Variants in FA2H observed in about 807,000 individuals in gnomAD.
The protein encoded by FA2H is fatty acid 2-hydroxylase, also known as fatty acid alpha-hydroxylase.
FA2H carries 22 observed loss-of-function variants against 44.9 expected under a neutral mutation model. The ratio of observed to expected loss-of-function variants is 0.49; its 90% CI spans 0.35 to 0.70. The LOEUF is 0.70. Among genes scored for constraint, FA2H ranks in the 30% least tolerant of loss-of-function variants. FA2H has a pLI of 0.01. For missense variants in FA2H, 501 were observed against 504.9 expected (o/e 0.99, Z 0.07); for synonymous variants, 243 against 213.2 (o/e 1.14, Z -1.22).
intron 4 of FA2H, among the ~76,000 whole-genome samples, chr16:74,722,400 G>C (rs2144610884): frequency 6.6e-6 from 1 of 152,252 alleles, no homozygotes; most frequent in South Asian, 2.1e-4. Flanking sequence ...GCTGGGCATG[G>C]TGGCTCATGC....
intron 4 of FA2H, among the ~76,000 whole-genome samples, chr16:74,721,500 C>T (rs1191136388): frequency 3.3e-5 from 5 of 152,216 alleles, no homozygotes; most frequent in African/African-American, 1.2e-4. Flanking sequence ...ACTCCATCTC[C>T]CTCACCTGCA....
chr16:74,754,439 G>A (rs1962579513), intron 1 of FA2H, among the ~76,000 whole-genome samples: 1 of 152,112 alleles, frequency 6.6e-6, no homozygotes, highest in Non-Finnish European at 1.5e-5. Context: ...AATTTACTGG[G>A]AGGAATAGTG....
At chr16:74,719,217 C>G in intron 4 of FA2H, 57 bp from the exon 5 acceptor site, 1 of 1,515,884 alleles carries the variant, frequency 6.6e-7, no homozygotes, top group Non-Finnish European at 9.1e-7. Flanking sequence ...CTGGTAGCTC[C>G]AGGTGTCCCT....
chr16:74,758,159 C>T (rs1293395917), intron 1 of FA2H, among the ~76,000 whole-genome samples: 4 of 141,590 alleles, frequency 2.8e-5, no homozygotes, highest in African/African-American at 7.8e-5. Flanking sequence ...CTCGGACTGT[C>T]GCCCGGGCTG....
intron 1 of FA2H, among the ~76,000 whole-genome samples, chr16:74,748,285 T>C (rs1962463806): frequency 6.6e-6 from 1 of 152,202 alleles, no homozygotes; most frequent in African/African-American, 2.4e-5. Flanking sequence ...CCTTGTTCTA[T>C]TCTGCACTTC....
At chr16:74,757,111 A>G (rs1043375621) in intron 1 of FA2H, among the ~76,000 whole-genome samples, 2 of 152,194 alleles carry the variant, frequency 1.3e-5, no homozygotes, top group Non-Finnish European at 2.9e-5. Context: ...AGATGCCAAA[A>G]AACAGGCTAA....
intron 2 of FA2H, among the ~76,000 whole-genome samples, chr16:74,729,171 C>A (rs12597324): frequency 6.6e-6 from 1 of 152,004 alleles, no homozygotes; most frequent in Non-Finnish European, 1.5e-5. Context: ...CCACCTCGCC[C>A]GCTAATTTTT....
At chr16:74,715,569 G>C (rs1342839380) in intron 6 of FA2H, among the ~76,000 whole-genome samples, 1 of 152,176 alleles carries the variant, frequency 6.6e-6, no homozygotes, top group Non-Finnish European at 1.5e-5. Flanking sequence ...TGGGATTATA[G>C]GCCTGAGCCA....
intron 1 of FA2H, among the ~76,000 whole-genome samples, chr16:74,764,582 T>C (rs1302770563): frequency 6.6e-6 from 1 of 151,914 alleles, no homozygotes; most frequent in African/African-American, 2.4e-5. Flanking sequence ...GGGTGCAGGA[T>C]AGGAGGAGGG....
intron 4 of FA2H, among the ~76,000 whole-genome samples, chr16:74,724,432 A>T (rs1438972666): frequency 6.6e-6 from 1 of 152,086 alleles, no homozygotes; most frequent in East Asian, 1.9e-4. Context: ...AAGCATTTTC[A>T]TGTGCGCATC....
At chr16:74,758,117 CTTTTT>C (rs71378706) in intron 1 of FA2H, among the ~76,000 whole-genome samples, 4 of 113,558 alleles carry the variant, frequency 3.5e-5, no homozygotes, top group Non-Finnish European at 5.2e-5. Context: ...GGAAACAATT[CTTTTT>C]TTTTTTTTTT....
At chr16:74,733,019 A>G (rs1400698851) in intron 2 of FA2H, among the ~76,000 whole-genome samples, 1 of 152,196 alleles carries the variant, frequency 6.6e-6, no homozygotes, top group Admixed American at 6.5e-5. Context: ...ACCTGTACAC[A>G]TGGTGGACTT....
At chr16:74,760,177 G>A (rs1337676416) in intron 1 of FA2H, among the ~76,000 whole-genome samples, 1 of 152,150 alleles carries the variant, frequency 6.6e-6, no homozygotes, top group African/African-American at 2.4e-5. Flanking sequence ...CCACTACGCT[G>A]CCGCTGCAGC....
chr16:74,725,428 C>T (rs1961930851), intron 4 of FA2H, among the ~76,000 whole-genome samples: 1 of 152,226 alleles, frequency 6.6e-6, no homozygotes, highest in Admixed American at 6.5e-5. Flanking sequence ...AGCGGCTATA[C>T]TTAAACCCAC....
At chr16:74,770,867 G>C (rs893282830) in intron 1 of FA2H, among the ~76,000 whole-genome samples, 4 of 152,226 alleles carry the variant, frequency 2.6e-5, no homozygotes, top group Admixed American at 1.3e-4. Flanking sequence ...TCTGCAGCAT[G>C]GCCCGCCCTC....
chr16:74,764,014 A>G (rs1046047028), intron 1 of FA2H, among the ~76,000 whole-genome samples: 4 of 152,248 alleles, frequency 2.6e-5, no homozygotes, highest in Non-Finnish European at 5.9e-5. Context: ...GCAGTGTTTC[A>G]CAATATAAAG....
intron 1 of FA2H, among the ~76,000 whole-genome samples, chr16:74,750,741 C>G (rs550631589): frequency 1.7e-5 from 2 of 121,020 alleles, no homozygotes; most frequent in Admixed American, 7.9e-5. Flanking sequence ...GGATTCAGGC[C>G]TATGTCCTCT....
At chr16:74,739,070 T>A (rs1262110183) in intron 2 of FA2H, among the ~76,000 whole-genome samples, 2 of 152,332 alleles carry the variant, frequency 1.3e-5, no homozygotes, top group East Asian at 1.9e-4. Context: ...ACAGTCAGCT[T>A]TGTGGGGTCC....
chr16:74,724,874 G>A (rs182169956), intron 4 of FA2H, among the ~76,000 whole-genome samples: 91 of 152,178 alleles, frequency 6.0e-4, no homozygotes, highest in Non-Finnish European at 1.2e-3. Flanking sequence ...CTGCCCATCC[G>A]GCCGGAGCTG....
Sources: allele counts gnomAD v4.1 joint callset (sites outside exome capture counted in the v4.1 genomes callset), GRCh38; gene constraint gnomAD v4.1.1; transcripts MANE v1.5; gene names NCBI Gene and HGNC (gene_info 2026-07-23, HGNC 2026-07-21).